Variants in DCC observed in about 807,000 individuals in gnomAD.
DCC encodes netrin receptor DCC.
Under a neutral mutation model 172.5 loss-of-function variants are expected in DCC, and 58 were observed. That is an observed-to-expected ratio of 0.34 (90% CI 0.27 to 0.42). DCC has a LOEUF of 0.42. DCC is among the 10% of genes least tolerant of loss of function. The probability of loss-of-function intolerance (pLI) is 1.00; values close to 1 mark genes in which losing one functional copy is unlikely to be tolerated. For synonymous variants in DCC, 709 were observed against 644.5 expected, an observed-to-expected ratio of 1.10 and a Z score of -1.52; for missense variants, 1,740 against 1,791.0, an observed-to-expected ratio of 0.97 and a Z score of 0.51.
At position 53,215,602 on chromosome 18, in the gene DCC, G is replaced by A; in HGVS notation, c.1911+5G>A. 1 of 1,612,204 alleles carries A rather than the reference G, an allele frequency of 6.2e-7. No homozygotes were observed. The highest frequency in any genetic ancestry group is 8.5e-7 in the Non-Finnish European group (1 of 1,178,354). Reference sequence around the variant, plus strand: ...CTGGAAGTGGTCAATTCAAGAGTAAGTTGGCTAAATGTTCACTACTCCATT... The same window carrying A: ...CTGGAAGTGGTCAATTCAAGAGTAAATTGGCTAAATGTTCACTACTCCATT... On this transcript the variant is annotated splice_donor_5th_base_variant and intron_variant, in intron 12 of 28. Coordinates refer to ENST00000442544, the MANE Select transcript of DCC (RefSeq NM_005215.4).
intron 27 of DCC, among the ~76,000 whole-genome samples, chr18:53,524,416 CTCATT>C (rs1449169047): frequency 1.3e-5 from 2 of 151,940 alleles, no homozygotes; most frequent in African/African-American, 4.8e-5. Flanking sequence ...GCCCAACAAT[CTCATT>C]TATCATATTA....
At chr18:52,665,285 C>T (rs1232136889) in intron 1 of DCC, among the ~76,000 whole-genome samples, 2 of 152,176 alleles carry the variant, frequency 1.3e-5, no homozygotes, top group Non-Finnish European at 2.9e-5. Context: ...CATTAATTTA[C>T]TCTAACAGGG....
chr18:52,823,121 C>G (rs970600969), intron 2 of DCC, among the ~76,000 whole-genome samples: 1 of 152,284 alleles, frequency 6.6e-6, no homozygotes, highest in Admixed American at 6.5e-5. Context: ...CTCTGAGATG[C>G]AGTGTCCCCT....
chr18:52,942,281 C>A (rs1446704487), intron 5 of DCC, among the ~76,000 whole-genome samples: 1 of 152,058 alleles, frequency 6.6e-6, no homozygotes, highest in Non-Finnish European at 1.5e-5. Context: ...CTGTCTTAAT[C>A]TGGTTTAATA....
At chr18:53,270,493 A>T (rs912727447) in intron 12 of DCC, among the ~76,000 whole-genome samples, 4 of 152,174 alleles carry the variant, frequency 2.6e-5, no homozygotes, top group Non-Finnish European at 5.9e-5. Flanking sequence ...GACAGATCTC[A>T]ACATTAAAAT....
At chr18:52,784,903 G>A (rs28820319) in intron 2 of DCC, among the ~76,000 whole-genome samples, 7,644 of 147,248 alleles carry the variant, frequency 0.052, 269 homozygotes, top group South Asian at 0.16. Flanking sequence ...CTAGGGAGGT[G>A]GAGGGGGAGA....
intron 8 of DCC, among the ~76,000 whole-genome samples, chr18:53,157,899 C>A (rs980590450): frequency 5.9e-5 from 9 of 152,128 alleles, no homozygotes; most frequent in Non-Finnish European, 7.3e-5. Context: ...AACCACATGA[C>A]TTCTCTGAGC....
At chr18:52,535,568 AT>A (rs1425932141) in intron 1 of DCC, among the ~76,000 whole-genome samples, 1 of 152,214 alleles carries the variant, frequency 6.6e-6, no homozygotes, top group African/African-American at 2.4e-5. Flanking sequence ...CCAGTAAAAT[AT>A]ACTGTCCAAT....
chr18:53,092,548 C>A (rs576099151), intron 7 of DCC, among the ~76,000 whole-genome samples: 1 of 152,196 alleles, frequency 6.6e-6, no homozygotes, highest in African/African-American at 2.4e-5. Context: ...GAATAAAAAT[C>A]TCCTAGGTAG....
intron 1 of DCC, among the ~76,000 whole-genome samples, chr18:52,722,091 G>T (rs775515262): frequency 3.3e-5 from 5 of 152,118 alleles, no homozygotes; most frequent in Non-Finnish European, 5.9e-5. Flanking sequence ...TTGCATTCAT[G>T]TCTATGACAA....
At chr18:53,272,170 G>A (rs371943773) in intron 12 of DCC, among the ~76,000 whole-genome samples, 2 of 152,124 alleles carry the variant, frequency 1.3e-5, no homozygotes, top group Non-Finnish European at 2.9e-5. Context: ...ACTGATCTGA[G>A]TCCTTTTAGT....
intron 2 of DCC, among the ~76,000 whole-genome samples, chr18:52,876,917 T>C (rs2039412033): frequency 6.6e-6 from 1 of 152,230 alleles, no homozygotes; most frequent in African/African-American, 2.4e-5. Flanking sequence ...CCTAGAATAG[T>C]GTTGCTAGAT....
chr18:52,779,819 C>T (rs185607734), intron 2 of DCC, among the ~76,000 whole-genome samples: 60 of 152,266 alleles, frequency 3.9e-4, no homozygotes, highest in African/African-American at 1.4e-3. Flanking sequence ...GCATCTGTTG[C>T]TTCCTGGCTT....
intron 1 of DCC, among the ~76,000 whole-genome samples, chr18:52,413,291 T>C (rs1195913496): frequency 1.3e-5 from 2 of 151,128 alleles, no homozygotes; most frequent in East Asian, 3.9e-4. Flanking sequence ...CTAACTATAC[T>C]AGATAGAAAA....
intron 8 of DCC, among the ~76,000 whole-genome samples, chr18:53,176,025 A>T (rs1426269308): frequency 6.6e-6 from 1 of 150,540 alleles, no homozygotes; most frequent in Admixed American, 6.6e-5. Context: ...ATAACGTCGC[A>T]TATCTACAAC....
chr18:53,351,401 GTATATA>G (rs1216427865), intron 15 of DCC, among the ~76,000 whole-genome samples: 4 of 11,942 alleles, frequency 3.3e-4, no homozygotes, highest in African/African-American at 7.1e-4. Context: ...TATATACAGT[GTATATA>G]TATATATATA....
intron 9 of DCC, among the ~76,000 whole-genome samples, chr18:53,201,180 C>CT (rs1281275597): frequency 6.6e-6 from 1 of 152,134 alleles, no homozygotes; most frequent in Non-Finnish European, 1.5e-5. Flanking sequence ...GTTTGGGAAA[C>CT]TAGGGCTCAG....
intron 2 of DCC, among the ~76,000 whole-genome samples, chr18:52,763,984 G>A (rs1381901499): frequency 6.6e-6 from 1 of 152,080 alleles, no homozygotes; most frequent in African/African-American, 2.4e-5. Context: ...TTTTGCTTTT[G>A]CTAATAATTC....
chr18:52,377,461 A>G (rs1467664325), intron 1 of DCC, among the ~76,000 whole-genome samples: 1 of 152,094 alleles, frequency 6.6e-6, no homozygotes, highest in Non-Finnish European at 1.5e-5. Flanking sequence ...ACATTGCTAC[A>G]TTTTTCATTG....
Sources: gnomAD v4.1 joint callset for allele counts (sites outside exome capture counted in the v4.1 genomes callset) on GRCh38, gnomAD v4.1.1 for gene constraint, MANE v1.5 for transcripts, NCBI Gene and HGNC (gene_info 2026-07-23, HGNC 2026-07-21) for gene names.